The following TAF4B variants were observed in gnomAD, a reference collection of about 807,000 sequenced individuals.
The protein encoded by TAF4B is TATA-box binding protein associated factor 4b.
In TAF4B, 38 loss-of-function variants were observed where a neutral mutation model predicts 86.4. The ratio of observed to expected loss-of-function variants is 0.44; its 90% CI spans 0.34 to 0.58. TAF4B has a LOEUF of 0.58. Ranked by LOEUF, TAF4B falls within the 20% of genes least tolerant of loss-of-function variation. The pLI, the probability that TAF4B is intolerant of heterozygous loss-of-function variation, is 0.02. For missense variants in TAF4B, 988 were observed against 1,027.6 expected (o/e 0.96, Z 0.53); for synonymous variants, 388 against 391.2 (o/e 0.99, Z 0.10).
chr18:26,273,063 G>C (rs1349977039), intron 3 of TAF4B, among the ~76,000 whole-genome samples: 2 of 152,026 alleles, frequency 1.3e-5, no homozygotes, highest in African/African-American at 4.8e-5. Flanking sequence ...ATTCAATATT[G>C]AAATATGTTA....
At chr18:26,358,337 A>G (rs1242299720) in intron 14 of TAF4B, among the ~76,000 whole-genome samples, 7 of 152,240 alleles carry the variant, frequency 4.6e-5, no homozygotes, top group Non-Finnish European at 1.0e-4. Flanking sequence ...GAATAGGCAC[A>G]TGTATACTCA....
At chr18:26,367,158 T>TAC (rs1243392607) in intron 14 of TAF4B, among the ~76,000 whole-genome samples, 12 of 152,216 alleles carry the variant, frequency 7.9e-5, no homozygotes, top group African/African-American at 2.9e-4. Flanking sequence ...CAGTAGGATA[T>TAC]ACATATGTAC....
At chr18:26,249,241 G>A (rs1484154814) in intron 1 of TAF4B, among the ~76,000 whole-genome samples, 2 of 152,090 alleles carry the variant, frequency 1.3e-5, no homozygotes, top group Non-Finnish European at 2.9e-5. Flanking sequence ...CACTTTGGGA[G>A]GCCAAGGCAG....
chr18:26,307,463 C>T (rs761445911), intron 9 of TAF4B, among the ~76,000 whole-genome samples: 1 of 151,944 alleles, frequency 6.6e-6, no homozygotes, highest in African/African-American at 2.4e-5. Context: ...TTTGCATAAC[C>T]GTATTTCAAC....
At chr18:26,340,372 C>G (rs961330270) in intron 13 of TAF4B, among the ~76,000 whole-genome samples, 22 of 151,984 alleles carry the variant, frequency 1.4e-4, no homozygotes, top group Admixed American at 1.3e-3. Context: ...TCTACATGGC[C>G]AAAACTCATG....
intron 10 of TAF4B, among the ~76,000 whole-genome samples, chr18:26,319,899 G>C (rs576669415): frequency 1.3e-5 from 2 of 152,168 alleles, no homozygotes; most frequent in Non-Finnish European, 2.9e-5. Flanking sequence ...CTATGCTGAG[G>C]GTTTTATTAA....
Position 26,270,954 on chromosome 18 carries a change from A to G in TAF4B, c.597+3331A>G, listed in dbSNP as rs142570015. Among the ~76,000 whole-genome samples, 14 of 152,320 alleles carry G rather than the reference A, an allele frequency of 9.2e-5. No individual in the cohort carries two copies. The East Asian group carries it at 2.3e-3, about 25-fold the overall frequency. On this transcript the variant is annotated intron_variant, in intron 3 of 14. Transcript: ENST00000269142. ...AAATGCTCATGTTAATCTGTCATTG[A>G]TATTTTTGTGTGGACCATTTATTTT...
intron 5 of TAF4B, among the ~76,000 whole-genome samples, chr18:26,276,015 C>CAAAA (rs374826135): frequency 1.3e-5 from 1 of 75,928 alleles, no homozygotes; most frequent in East Asian, 4.0e-4. Context: ...GACTCTGTCT[C>CAAAA]AAAAAAAAAA....
chr18:26,331,641 T>C (rs1243929560), intron 12 of TAF4B, among the ~76,000 whole-genome samples: 3 of 152,304 alleles, frequency 2.0e-5, no homozygotes, highest in Admixed American at 6.5e-5. Flanking sequence ...AACATAGGCA[T>C]CATCTTTAAC....
At chr18:26,318,579 TC>T (rs2056933920) in intron 10 of TAF4B, among the ~76,000 whole-genome samples, 3 of 152,354 alleles carry the variant, frequency 2.0e-5, no homozygotes, top group Non-Finnish European at 4.4e-5. Flanking sequence ...TTTCTTTTTT[TC>T]CTAATAACCT....
chr18:26,387,288 C>T (rs1348643216), intron 14 of TAF4B, among the ~76,000 whole-genome samples: 1 of 152,076 alleles, frequency 6.6e-6, no homozygotes, highest in African/African-American at 2.4e-5. Context: ...AGGCTGGTCT[C>T]GAACTCCTGA....
intron 1 of TAF4B, among the ~76,000 whole-genome samples, chr18:26,249,126 T>C (rs1053882003): frequency 4.0e-5 from 6 of 149,074 alleles, no homozygotes; most frequent in African/African-American, 1.5e-4. Context: ...GAACCGAGAT[T>C]GTGCCACTGC....
chr18:26,226,879 CCTCACCTCTG>C lies in TAF4B; in HGVS notation c.-51_-42del. Reference sequence around the variant, plus strand: ...GTCGGCTGCCGCGCGCCAAGCCTCCCCTCACCTCTGCTCCCGGAACCGCAGCGCCAAAGCT... The same window carrying C: ...GTCGGCTGCCGCGCGCCAAGCCTCCCCTCCCGGAACCGCAGCGCCAAAGCT... On this transcript the variant is annotated 5_prime_UTR_variant, in exon 1 of 15. The change abolishes the stop of an existing upstream ORF in the 5' untranslated region. Transcript: ENST00000269142. The C allele has an allele frequency of 7.6e-7, 1 of 1,311,184 alleles. No individual in the cohort carries two copies. The highest frequency in any genetic ancestry group is 9.7e-7 in the Non-Finnish European group (1 of 1,027,408). The allele number at this position is 1,311,184 out of a possible 1,614,324, so 81.2% of individuals were successfully genotyped here. A position where few individuals can be genotyped will look rare whatever the true frequency, so the allele number is the denominator to read the frequency against.
chr18:26,323,945 ATTTC>A (rs2144680572), intron 11 of TAF4B, among the ~76,000 whole-genome samples: 1 of 152,116 alleles, frequency 6.6e-6, no homozygotes, highest in South Asian at 2.1e-4. Context: ...CTATTTTGCT[ATTTC>A]TTTTCTGTAT....
chr18:26,294,954 T>A lies in TAF4B; in HGVS notation c.1832+1423T>A, dbSNP rs186455774. ...AAGAGGAAAAATTAATGAACTGGAATTCAGAAAATTAAAAAACTTTTGCTC... is the reference window on the plus strand; with the variant it reads ...AAGAGGAAAAATTAATGAACTGGAAATCAGAAAATTAAAAAACTTTTGCTC... On this transcript the variant is annotated intron_variant, in intron 9 of 14. Coordinates refer to ENST00000269142, the MANE Select transcript of TAF4B (RefSeq NM_005640.3). 3.0e-3 allele frequency among the ~76,000 whole-genome samples: 448 copies of A among 150,206 alleles called. 3 individuals are homozygous for A. Among genetic ancestry groups the A allele is most frequent in the Non-Finnish European group, 5.1e-3 (343 of 67,592 alleles).
At chr18:26,352,428 A>G (rs931990591) in intron 13 of TAF4B, among the ~76,000 whole-genome samples, 1 of 151,892 alleles carries the variant, frequency 6.6e-6, no homozygotes, top group African/African-American at 2.4e-5. Flanking sequence ...AAGCAGAAGG[A>G]AGCACATATC....
At chr18:26,317,450 G>C (rs969696274) in intron 10 of TAF4B, among the ~76,000 whole-genome samples, 1 of 152,104 alleles carries the variant, frequency 6.6e-6, no homozygotes, top group Non-Finnish European at 1.5e-5. Flanking sequence ...CCTTCAAAGG[G>C]CAGATAATAT....
At chr18:26,346,759 G>GTGTATATATATATATATATA (rs1202008455) in intron 13 of TAF4B, among the ~76,000 whole-genome samples, 454 of 27,104 alleles carry the variant, frequency 0.017, 119 homozygotes, top group East Asian at 0.061. Context: ...ATATATGTGT[G>GTGTATATATATATATATATA]TATATATATA....
At chr18:26,349,582 T>A (rs1236113186) in intron 13 of TAF4B, among the ~76,000 whole-genome samples, 2 of 152,212 alleles carry the variant, frequency 1.3e-5, no homozygotes, top group African/African-American at 4.8e-5. Context: ...AAACATCTCA[T>A]GCTCATGGAT....
Sources: allele counts gnomAD v4.1 joint callset (sites outside exome capture counted in the v4.1 genomes callset), GRCh38; gene constraint gnomAD v4.1.1; transcripts MANE v1.5; gene names NCBI Gene and HGNC (gene_info 2026-07-23, HGNC 2026-07-21).